The following SLC35F3 variants were observed in gnomAD, a reference collection of about 807,000 sequenced individuals.
SLC35F3 encodes putative thiamine transporter SLC35F3.
SLC35F3 carries 25 observed loss-of-function variants against 49.9 expected under a neutral mutation model. That is an observed-to-expected ratio of 0.50 (90% CI 0.37 to 0.70). The LOEUF (loss-of-function observed/expected upper bound fraction) is 0.70, where lower values mean the gene tolerates loss of function less well. Ranked by LOEUF, SLC35F3 falls within the 30% of genes least tolerant of loss-of-function variation. SLC35F3 has a pLI of 0.00. For missense variants in SLC35F3, 525 were observed against 639.8 expected, an observed-to-expected ratio of 0.82 and a Z score of 1.94; for synonymous variants, 275 against 265.4, an observed-to-expected ratio of 1.04 and a Z score of -0.35.
intron 2 of SLC35F3, among the ~76,000 whole-genome samples, chr1:234,176,975 T>G (rs189401120): frequency 6.6e-6 from 1 of 152,296 alleles, no homozygotes; most frequent in African/African-American, 2.4e-5. Flanking sequence ...GAGTTGTGGT[T>G]GATATGGTTT....
chr1:233,947,780 G>C (rs959168072), intron 2 of SLC35F3, among the ~76,000 whole-genome samples: 1 of 144,594 alleles, frequency 6.9e-6, no homozygotes, highest in Non-Finnish European at 1.5e-5. Context: ...GAAGAGAGAG[G>C]AGAGAGAGAA....
At chr1:234,234,703 C>A (rs1437561903) in intron 3 of SLC35F3, among the ~76,000 whole-genome samples, 1 of 152,080 alleles carries the variant, frequency 6.6e-6, no homozygotes, top group African/African-American at 2.4e-5. Context: ...TGTTCGAGCC[C>A]TGGTCCTCTT....
intron 2 of SLC35F3, among the ~76,000 whole-genome samples, chr1:234,049,534 G>C (rs1255433341): frequency 6.6e-6 from 1 of 152,158 alleles, no homozygotes; most frequent in Non-Finnish European, 1.5e-5. Context: ...AGAAATGTGA[G>C]AAAATGCATT....
chr1:234,081,122 CTT>C (rs1360840010), intron 2 of SLC35F3, among the ~76,000 whole-genome samples: 2 of 152,208 alleles, frequency 1.3e-5, no homozygotes, highest in Non-Finnish European at 2.9e-5. Context: ...TCTTCAGTCT[CTT>C]CAGTCTTTCC....
intron 3 of SLC35F3, among the ~76,000 whole-genome samples, chr1:234,236,747 G>A (rs1667475770): frequency 6.6e-6 from 1 of 151,828 alleles, no homozygotes; most frequent in Non-Finnish European, 1.5e-5. Context: ...CTTTCAAAAT[G>A]CAGCTGCTGC....
At chr1:234,192,334 A>G (rs961701118) in intron 2 of SLC35F3, among the ~76,000 whole-genome samples, 1 of 152,212 alleles carries the variant, frequency 6.6e-6, no homozygotes, top group African/African-American at 2.4e-5. Context: ...CATAAAGAGA[A>G]TTAAAAACAA....
chr1:234,007,738 G>C (rs545847813), intron 2 of SLC35F3, among the ~76,000 whole-genome samples: 17 of 152,318 alleles, frequency 1.1e-4, no homozygotes, highest in African/African-American at 3.6e-4. Flanking sequence ...GGCAGTCATT[G>C]CAATGATCTC....
At chr1:233,925,726 A>G (rs1362650205) in intron 2 of SLC35F3, among the ~76,000 whole-genome samples, 1 of 152,178 alleles carries the variant, frequency 6.6e-6, no homozygotes, top group African/African-American at 2.4e-5. Flanking sequence ...TCTTCCTAGC[A>G]TCGATGGTCT....
intron 5 of SLC35F3, among the ~76,000 whole-genome samples, chr1:234,318,356 C>T (rs1365864892): frequency 2.6e-5 from 4 of 152,206 alleles, no homozygotes. Flanking sequence ...ATCTTTGCAG[C>T]CAGAGCACTG....
intron 3 of SLC35F3, among the ~76,000 whole-genome samples, chr1:234,267,205 A>G (rs1279663723): frequency 7.9e-6 from 1 of 127,192 alleles, no homozygotes. Context: ...ATAAGGTCAC[A>G]GATCAACAGG....
intron 2 of SLC35F3, among the ~76,000 whole-genome samples, chr1:234,144,580 A>G (rs1375810245): frequency 1.3e-5 from 2 of 152,186 alleles, no homozygotes. Context: ...TTTATTTAGA[A>G]GCGAAATTAG....
At chr1:234,015,139 A>T (rs1177239971) in intron 2 of SLC35F3, among the ~76,000 whole-genome samples, 2 of 152,106 alleles carry the variant, frequency 1.3e-5, no homozygotes, top group Admixed American at 6.5e-5. Flanking sequence ...TCAGGTCAGG[A>T]GTTCGAGACC....
chr1:234,184,114 T>C (rs1273795984), intron 2 of SLC35F3, among the ~76,000 whole-genome samples: 1 of 151,776 alleles, frequency 6.6e-6, no homozygotes, highest in African/African-American at 2.4e-5. Flanking sequence ...GTTAATTCTT[T>C]ACTAGCATGG....
At chr1:234,003,864 C>T (rs75811456) in intron 2 of SLC35F3, among the ~76,000 whole-genome samples, 6,835 of 152,134 alleles carry the variant, frequency 0.045, 231 homozygotes, top group Non-Finnish European at 0.063. Flanking sequence ...TCAGCCTTAC[C>T]CCTAATTAGG....
At chr1:234,029,331 G>C (rs561686194) in intron 2 of SLC35F3, among the ~76,000 whole-genome samples, 4 of 152,198 alleles carry the variant, frequency 2.6e-5, no homozygotes, top group Non-Finnish European at 5.9e-5. Flanking sequence ...GAGCATTCCC[G>C]CAGATGGCAC....
chr1:234,108,432 A>T lies in SLC35F3; in HGVS notation c.284-122985A>T, dbSNP rs1367776379. Among the ~76,000 whole-genome samples the T allele has an allele frequency of 1.8e-4, 17 of 95,444 alleles. 1 individual carries two copies. The East Asian group carries it at 0.013, about 74-fold the overall frequency. 62.6% of individuals were successfully genotyped at this position (95,444 alleles called of 152,430 possible). A position where few individuals can be genotyped will look rare whatever the true frequency, so the allele number is the denominator to read the frequency against. On this transcript the variant is annotated intron_variant, in intron 2 of 7. Coordinates refer to ENST00000366618, the MANE Select transcript of SLC35F3 (RefSeq NM_173508.4). ...ATGATATATATTATTTATATATAAA[A>T]GATATATATAAAAGATATATATTAT...
At chr1:234,235,622 G>A (rs183828607) in intron 3 of SLC35F3, among the ~76,000 whole-genome samples, 2 of 152,346 alleles carry the variant, frequency 1.3e-5, no homozygotes, top group Admixed American at 1.3e-4. Flanking sequence ...GTAATGACCT[G>A]CTTTCGAAAG....
chr1:234,318,402 AG>A (rs1657540569), intron 5 of SLC35F3, among the ~76,000 whole-genome samples: 1 of 152,208 alleles, frequency 6.6e-6, no homozygotes. Flanking sequence ...CTGCTTATAC[AG>A]GGTCCAGGAT....
rs141943965 is a variant in SLC35F3 at position 233,924,129 on chromosome 1, G to T, written c.283+18371G>T. The stretch of plus-strand genomic sequence containing the variant: ...TCTTTTTTTGTTGTGTCTCTGCCAG[G>T]CTTTGGTATCAGGATGATGCTGACC... On this transcript the variant is annotated intron_variant, in intron 2 of 7. Transcript: ENST00000366618. 2.2e-3 allele frequency among the ~76,000 whole-genome samples: 336 copies of T among 152,254 alleles called. 1 individual carries two copies. The highest frequency in any genetic ancestry group is 4.0e-3 in the Non-Finnish European group (272 of 68,022).
Sources: allele counts gnomAD v4.1 joint callset (sites outside exome capture counted in the v4.1 genomes callset), GRCh38; gene constraint gnomAD v4.1.1; transcripts MANE v1.5; gene names NCBI Gene and HGNC (gene_info 2026-07-23, HGNC 2026-07-21).